The following MDH1B variants were observed in gnomAD, a reference collection of about 807,000 sequenced individuals.
MDH1B encodes the protein putative malate dehydrogenase 1B.
Under a neutral mutation model 61.4 loss-of-function variants are expected in MDH1B, and 60 were observed. The observed-to-expected ratio is 0.98, with a 90% CI of 0.79 to 1.21. The LOEUF (loss-of-function observed/expected upper bound fraction) is 1.21, where lower values mean the gene tolerates loss of function less well. Among genes scored for constraint, MDH1B ranks in the 50% most tolerant of loss-of-function variants. The pLI is 0.00. For synonymous variants in MDH1B, 236 were observed against 218.7 expected (o/e 1.08, Z -0.70); for missense variants, 587 against 632.1 (o/e 0.93, Z 0.76).
At chr2:206,759,054 T>A (rs1360832715) in intron 2 of MDH1B, among the ~76,000 whole-genome samples, 4 of 116,212 alleles carry the variant, frequency 3.4e-5, no homozygotes, top group African/African-American at 1.8e-4. Context: ...GTCATGGGGG[T>A]TTGTTTTACA....
intron 9 of MDH1B, among the ~76,000 whole-genome samples, chr2:206,741,556 C>G (rs1687811726): frequency 6.6e-6 from 1 of 152,188 alleles, no homozygotes; most frequent in Non-Finnish European, 1.5e-5. Context: ...TTCTCCCATG[C>G]TGGATGCTTC....
At chr2:206,755,614 T>G (rs1688718037) in intron 4 of MDH1B, 109 bp from the exon 5 acceptor site, 2 of 1,352,726 alleles carry the variant, frequency 1.5e-6, no homozygotes, top group Non-Finnish European at 2.0e-6. Context: ...GGTTTAATAT[T>G]TAAATAAGCA....
chr2:206,755,530 G>T, intron 4 of MDH1B, 25 bp from the exon 5 acceptor site: 1 of 1,593,460 alleles, frequency 6.3e-7, no homozygotes. Context: ...AAGCCGCATT[G>T]TGAATAGTTA....
chr2:206,756,863 T>TA, intron 4 of MDH1B, 35 bp downstream of exon 4: 1 of 1,606,604 alleles, frequency 6.2e-7, no homozygotes, highest in East Asian at 2.2e-5. Flanking sequence ...ATATAAAAAG[T>TA]AAATCTCATG....
chr2:206,753,620 C>G (rs139285596), intron 5 of MDH1B, among the ~76,000 whole-genome samples: 1 of 152,280 alleles, frequency 6.6e-6, no homozygotes, highest in East Asian at 1.9e-4. Flanking sequence ...GAATCATTTC[C>G]TTGGTGGTTT....
chr2:206,740,293 T>C (rs1400548548), intron 10 of MDH1B, among the ~76,000 whole-genome samples: 2 of 152,174 alleles, frequency 1.3e-5, no homozygotes, highest in African/African-American at 4.8e-5. Context: ...GTTATATGTA[T>C]CACATACTGC....
chr2:206,745,850 C>T (rs956703014), intron 8 of MDH1B, among the ~76,000 whole-genome samples, 177 bp from the exon 9 acceptor site: 7 of 151,634 alleles, frequency 4.6e-5, no homozygotes. Flanking sequence ...TCTCCTGCCT[C>T]AGCCTCCCGA....
At chr2:206,754,012 GT>G (rs1299265132) in intron 5 of MDH1B, among the ~76,000 whole-genome samples, 12 of 152,130 alleles carry the variant, frequency 7.9e-5, no homozygotes, top group African/African-American at 2.9e-4. Flanking sequence ...ATAGAAAAAA[GT>G]TTTCATTTCC....
At chr2:206,758,692 G>A (rs1351022476) in intron 2 of MDH1B, among the ~76,000 whole-genome samples, 1 of 152,076 alleles carries the variant, frequency 6.6e-6, no homozygotes, top group Non-Finnish European at 1.5e-5. Flanking sequence ...CTTGAACCTG[G>A]GAGGCGGAGG....
At chr2:206,749,223 G>C (rs1236725853) in intron 6 of MDH1B, 40 bp from the exon 7 acceptor site, 33 of 1,576,850 alleles carry the variant, frequency 2.1e-5, no homozygotes, top group Non-Finnish European at 2.6e-5. Flanking sequence ...ATGGAGAGAG[G>C]AATTAAAGAG....
At position 206,741,042 on chromosome 2, in the gene MDH1B, C is replaced by A; in HGVS notation, c.1459+12G>T. On this transcript the variant is annotated intron_variant, in intron 10 of 11. Transcript: ENST00000374412. ...AGCAATATAGACATTGTTTATAACC[C>A]CACTGACTTACCATCTGACATAGCT... is the stretch of plus-strand genomic sequence containing the variant. The A allele has an allele frequency of 1.2e-6, 2 of 1,613,052 alleles. No homozygotes were observed. The highest frequency in any genetic ancestry group is 1.7e-6 in the Non-Finnish European group (2 of 1,179,524).
chr2:206,756,401 G>C (rs1351543402), intron 4 of MDH1B, among the ~76,000 whole-genome samples: 1 of 152,128 alleles, frequency 6.6e-6, no homozygotes, highest in Non-Finnish European at 1.5e-5. Context: ...GAGAGCAAGA[G>C]AGACAGAGAG....
intron 1 of MDH1B, among the ~76,000 whole-genome samples, chr2:206,763,618 C>T (rs1307595120): frequency 1.3e-5 from 2 of 152,172 alleles, no homozygotes; most frequent in Non-Finnish European, 2.9e-5. Context: ...CTGAATGTGG[C>T]TCAAAAGAAT....
At chr2:206,742,880 T>G (rs1426987700) in intron 9 of MDH1B, among the ~76,000 whole-genome samples, 2 of 150,654 alleles carry the variant, frequency 1.3e-5, no homozygotes. Flanking sequence ...CCTGGCTAAT[T>G]TTGTTTTTGT....
At chr2:206,751,167 GT>G in intron 5 of MDH1B, 92 bp from the exon 6 acceptor site, 2 of 881,200 alleles carry the variant, frequency 2.3e-6, no homozygotes, top group Non-Finnish European at 3.3e-6. Context: ...GTGCATGTTT[GT>G]TTTAGGATTG....
chr2:206,756,817 A>T, intron 4 of MDH1B, 81 bp downstream of exon 4: 1 of 1,481,542 alleles, frequency 6.7e-7, no homozygotes, highest in Non-Finnish European at 9.3e-7. Flanking sequence ...GTATTCTTCC[A>T]TCATGAAATT....
chr2:206,760,602 A>T (rs1689033667), intron 2 of MDH1B, among the ~76,000 whole-genome samples: 1 of 152,204 alleles, frequency 6.6e-6, no homozygotes, highest in Non-Finnish European at 1.5e-5. Context: ...TTGGAAATCA[A>T]TACCAAGGAG....
At chr2:206,758,963 G>GT (rs1374908161) in intron 2 of MDH1B, among the ~76,000 whole-genome samples, 694 of 108,494 alleles carry the variant, frequency 6.4e-3, no homozygotes, top group African/African-American at 9.7e-3. Flanking sequence ...AAGGCTGTTT[G>GT]TTTTTTTTTT....
intron 5 of MDH1B, 88 bp downstream of exon 5, chr2:206,754,921 T>C (rs1042175942): frequency 1.4e-6 from 2 of 1,394,492 alleles, no homozygotes; most frequent in African/African-American, 1.4e-5. Flanking sequence ...ACTCAGAATG[T>C]TCCTAGAGGG....
Sources: gnomAD v4.1 joint callset for allele counts (sites outside exome capture counted in the v4.1 genomes callset) on GRCh38, gnomAD v4.1.1 for gene constraint, MANE v1.5 for transcripts, NCBI Gene and HGNC (gene_info 2026-07-23, HGNC 2026-07-21) for gene names.